Variants in ZDBF2 observed in about 807,000 individuals in gnomAD.
The protein encoded by ZDBF2 is zinc finger DBF-type containing 2, also known as DBF4-type zinc finger-containing protein 2.
In ZDBF2, 6 loss-of-function variants were observed where a neutral mutation model predicts 9.4. The ratio of observed to expected loss-of-function variants is 0.64; its 90% CI spans 0.35 to 1.27. The LOEUF (loss-of-function observed/expected upper bound fraction) is 1.27. ZDBF2 is among the 50% of genes most tolerant of loss of function. The pLI is 0.03. For synonymous variants in ZDBF2, 905 were observed against 946.3 expected, an observed-to-expected ratio of 0.96 and a Z score of 0.80; for missense variants, 2,697 against 2,766.8, an observed-to-expected ratio of 0.97 and a Z score of 0.57.
chr2:206,305,318 A>C lies in ZDBF2; in HGVS notation c.790A>C (p.Met264Leu), dbSNP rs775042462. The change falls in exon 5 of 5, where the codon ATG becomes CTG. Residue 264 changes from methionine to leucine, a missense_variant. By Grantham distance (15) the Met-to-Leu change is conservative (BLOSUM62 2). Transcript: ENST00000374423. The stretch of plus-strand genomic sequence containing the variant: ...AGAATCAAATAGGAAATCTTTACGC[A>C]TGAATTCAGATAAGTTGGTTTTGTG... The part of the protein sequence containing the change: ...HKESNRKSLR[M>L]NSDKLVLWKD... 1.9e-6 allele frequency: 3 copies of C among 1,612,328 alleles called. No individual in the cohort carries two copies. The highest frequency in any genetic ancestry group is 1.7e-6 in the Non-Finnish European group (2 of 1,179,204).
chr2:206,311,409 C>T lies in ZDBF2; in HGVS notation c.6881C>T (p.Pro2294Leu), dbSNP rs1207472379. ...ATGGCAAATCCTCCTCCAAAGCGAC[C>T]TGTGCGGGCTTCTTGCCGCGTTGCA... ...SAMANPPPKR[P>L]VRASCRVARR... The change falls in exon 5 of 5, where the codon CCT (proline) becomes CTT (leucine). Residue 2294 changes from proline to leucine, a missense_variant. Physicochemically the swap from Pro to Leu is moderately conservative, Grantham distance 98. Around this residue, in one of 3 missense-constraint regions of ZDBF2, gnomAD observed 1,783 missense variants for 1,776.5 expected, o/e 1.00. Coordinates refer to ENST00000374423, the MANE Select transcript of ZDBF2 (RefSeq NM_020923.3). 4.4e-6 allele frequency: 7 copies of T among 1,604,726 alleles called. No individual in the cohort carries two copies. The highest frequency in any genetic ancestry group is 1.3e-5 in the African/African-American group (1 of 74,452).
intron 3 of ZDBF2, among the ~76,000 whole-genome samples, chr2:206,288,867 C>T (rs4675595): frequency 0.5 from 76,184 of 151,816 alleles, 20,302 homozygotes; most frequent in Non-Finnish European, 0.6. Context: ...CAACTTAGGT[C>T]TCAGGGGATG....
rs1414923372 is a variant in ZDBF2 at position 206,309,491 on chromosome 2, G to C, written c.4963G>C (p.Asp1655His). Residue 1655 changes from aspartate (D) to histidine (H), a missense_variant, in exon 5 of 5, where the codon GAT becomes CAT. Transcript: ENST00000374423. ...EKMVKYIDSE[D>H]KSCGYNGSKG... is the part of the protein sequence containing the mutation. ...AATGGTGAAATATATTGATTCAGAA[G>C]ATAAGAGCTGTGGATATAATGGTTC... 4.3e-6 allele frequency: 7 copies of C among 1,613,996 alleles called. No homozygotes were observed. The East Asian group carries it at 1.6e-4, about 36-fold the overall frequency.
At chr2:206,288,054 GTTTA>G (rs1300904712) in intron 3 of ZDBF2, among the ~76,000 whole-genome samples, 1 of 151,998 alleles carries the variant, frequency 6.6e-6, no homozygotes, top group Non-Finnish European at 1.5e-5. Context: ...TCAGAAATTA[GTTTA>G]TTTTCATTGG....
chr2:206,301,277 C>A (rs1383142275), intron 4 of ZDBF2, among the ~76,000 whole-genome samples: 1 of 151,658 alleles, frequency 6.6e-6, no homozygotes, highest in Non-Finnish European at 1.5e-5. Flanking sequence ...TTTTCAGAAC[C>A]TAATTGTTTG....
chr2:206,285,605 C>G (rs974112721), intron 3 of ZDBF2, among the ~76,000 whole-genome samples: 1 of 152,166 alleles, frequency 6.6e-6, no homozygotes, highest in Non-Finnish European at 1.5e-5. Context: ...GTTGAAGTCT[C>G]TCTTCACTCT....
At position 206,281,860 on chromosome 2, in the gene ZDBF2, G is replaced by C; in HGVS notation, c.11G>C (p.Arg4Thr). The C allele has an allele frequency of 6.2e-7, 1 of 1,613,312 alleles. No individual in the cohort carries two copies. The highest frequency in any genetic ancestry group is 8.5e-7 in the Non-Finnish European group (1 of 1,179,576). Residue 4 changes from arginine to threonine, a missense_variant, in exon 3 of 5, where the codon AGA becomes ACA. Around this residue, in one of 3 missense-constraint regions of ZDBF2, gnomAD observed 910 missense variants for 973.6 expected, o/e 0.93. Coordinates refer to ENST00000374423, the MANE Select transcript of ZDBF2 (RefSeq NM_020923.3). MQK[R>T]QGYCSYCRVQ... ...AGTTATTTATTCAAGATGCAGAAAA[G>C]ACAAGGATATTGCAGTTATTGCCGT...
Position 206,306,552 on chromosome 2 carries a change from A to G in ZDBF2, c.2024A>G (p.Gln675Arg). The change falls in exon 5 of 5, where the codon CAA becomes CGA. Residue 675 changes from glutamine (Q) to arginine (R), a missense_variant. Transcript: ENST00000374423. ...GAAATGGGTTTTCAGGCTGATGCTCAATTAGCTGACCAGTCTCAAGTAGCC... is the reference window on the plus strand; with the variant it reads ...GAAATGGGTTTTCAGGCTGATGCTCGATTAGCTGACCAGTCTCAAGTAGCC... ...GPEMGFQADA[Q>R]LADQSQVAEI... 1.2e-6 allele frequency: 2 copies of G among 1,613,696 alleles called. No individual in the cohort carries two copies. Among genetic ancestry groups the G allele is most frequent in the Non-Finnish European group, 1.7e-6 (2 of 1,179,762 alleles).
At chr2:206,286,996 T>G (rs1254708294) in intron 3 of ZDBF2, among the ~76,000 whole-genome samples, 1 of 152,194 alleles carries the variant, frequency 6.6e-6, no homozygotes, top group Non-Finnish European at 1.5e-5. Context: ...ATAAGCAGCT[T>G]TAGTAGCACT....
At chr2:206,297,555 A>G (rs934631961) in intron 4 of ZDBF2, among the ~76,000 whole-genome samples, 182 bp downstream of exon 4, 1 of 152,236 alleles carries the variant, frequency 6.6e-6, no homozygotes, top group Non-Finnish European at 1.5e-5. Context: ...TCACTACAGA[A>G]GATATGGACT....
chr2:206,302,622 A>G (rs1458895737), intron 4 of ZDBF2, among the ~76,000 whole-genome samples: 1 of 152,154 alleles, frequency 6.6e-6, no homozygotes, highest in African/African-American at 2.4e-5. Flanking sequence ...AAGATAGTTT[A>G]GGGTTCTGAA....
Position 206,309,622 on chromosome 2 carries a change from A to G in ZDBF2, c.5094A>G (p.Leu1698=), listed in dbSNP as rs756118397. ...SLRKDPRNAG[L]KGKSCQSSAS... Reference sequence around the variant, plus strand: ...GGAAGGATCCAAGAAATGCTGGCCTAAAAGGTAAGAGCTGTCAGTCTAGTG... The same window carrying G: ...GGAAGGATCCAAGAAATGCTGGCCTGAAAGGTAAGAGCTGTCAGTCTAGTG... The change falls in exon 5 of 5, where the codon CTA becomes CTG. Residue 1698 remains leucine, a synonymous_variant. Coordinates refer to ENST00000374423, the MANE Select transcript of ZDBF2 (RefSeq NM_020923.3). The G allele has an allele frequency of 1.2e-5, 20 of 1,613,718 alleles. 1 individual carries two copies. The Admixed American group carries it at 2.7e-4, about 22-fold the overall frequency.
chr2:206,291,405 C>T (rs755376848), intron 3 of ZDBF2, among the ~76,000 whole-genome samples: 31 of 152,114 alleles, frequency 2.0e-4, no homozygotes, highest in Non-Finnish European at 3.1e-4. Context: ...GCTTGCCTGC[C>T]GCTCACCTCC....
chr2:206,277,682 G>A (rs1324954445), intron 1 of ZDBF2, among the ~76,000 whole-genome samples: 3 of 144,454 alleles, frequency 2.1e-5, no homozygotes, highest in Non-Finnish European at 3.0e-5. Context: ...GGTGAATTAC[G>A]ATGTTGTTTG....
At chr2:206,287,769 C>T (rs1297387681) in intron 3 of ZDBF2, among the ~76,000 whole-genome samples, 1 of 151,928 alleles carries the variant, frequency 6.6e-6, no homozygotes, top group African/African-American at 2.4e-5. Context: ...CTTTTTTTCC[C>T]TGTGACTGGG....
At chr2:206,275,042 C>T (rs1690908785) in intron 1 of ZDBF2, 96 bp downstream of exon 1, 1 of 151,470 alleles carries the variant, frequency 6.6e-6, no homozygotes, top group African/African-American at 2.4e-5. Context: ...CCGAGGGACG[C>T]CAGGACCGCT....
At chr2:206,292,149 C>G (rs116488935) in intron 3 of ZDBF2, 6 of 398,192 alleles carry the variant, frequency 1.5e-5, no homozygotes, top group African/African-American at 1.2e-4. Flanking sequence ...TAAGTGAATA[C>G]TGTCTTGTGG....
chr2:206,311,301 G>C lies in ZDBF2; in HGVS notation c.6773G>C (p.Arg2258Thr), dbSNP rs199821129. 6.2e-7 allele frequency: 1 copy of C among 1,605,756 alleles called. No homozygotes were observed. The highest frequency in any genetic ancestry group is 1.3e-5 in the African/African-American group (1 of 74,986). ...YLKKKKSVVSRLKKAKRTAKV... is the reference protein window; with the variant it reads ...YLKKKKSVVSTLKKAKRTAKV... ...AAGAAGAAAAAATCTGTTGTCAGTA[G>C]GCTAAAGAAGGCGAAGAGAACAGCT... Residue 2258 changes from arginine to threonine, a missense_variant, in exon 5 of 5, where the codon AGG becomes ACG. This residue lies in a region of ZDBF2 where 1,783 missense variants were observed against 1,776.5 expected (regional missense o/e 1.00). Transcript: ENST00000374423.
At position 206,311,472 on chromosome 2, in the gene ZDBF2, G is replaced by A. The variant is rs370582691; in HGVS notation, c.6944G>A (p.Arg2315Gln). The A allele has an allele frequency of 1.0e-4, 161 of 1,612,110 alleles. 1 individual carries two copies. Among genetic ancestry groups the A allele is most frequent in the South Asian group, 7.1e-4 (64 of 90,638 alleles). ...AAGACTGATGAAAGCTACCATGGCCGACAGAAAGGTCCTTCTACACCTGTG... is the reference window on the plus strand; with the variant it reads ...AAGACTGATGAAAGCTACCATGGCCAACAGAAAGGTCCTTCTACACCTGTG... Reference protein sequence around the residue: ...RKKTDESYHGRQKGPSTPVRA... With the variant: ...RKKTDESYHGQQKGPSTPVRA... The change falls in exon 5 of 5, where the codon CGA becomes CAA. Residue 2315 changes from arginine (R) to glutamine (Q), a missense_variant. Arg to Gln is a conservative substitution (Grantham distance 43). This residue lies in a region of ZDBF2 where 1,783 missense variants were observed against 1,776.5 expected (regional missense o/e 1.00). Transcript: ENST00000374423.
Sources: gnomAD v4.1 joint callset for allele counts (sites outside exome capture counted in the v4.1 genomes callset) on GRCh38, gnomAD v4.1.1 for gene constraint, gnomAD v4.1.1 regional missense constraint, MANE v1.5 for transcripts, NCBI Gene and HGNC (gene_info 2026-07-23, HGNC 2026-07-21) for gene names.